Variants in MRPS18B observed in about 807,000 individuals in gnomAD.
MRPS18B encodes the protein small ribosomal subunit protein mS40.
A neutral mutation model predicts 28.4 loss-of-function variants in MRPS18B; 27 were observed. The observed-to-expected ratio is 0.95, with a 90% CI of 0.70 to 1.31. The LOEUF (loss-of-function observed/expected upper bound fraction) is 1.31, where lower values mean the gene tolerates loss of function less well. Among genes scored for constraint, MRPS18B ranks in the 40% most tolerant of loss-of-function variants. The pLI is 0.00. For synonymous variants in MRPS18B, 118 were observed against 123.7 expected, an observed-to-expected ratio of 0.95 and a Z score of 0.30; for missense variants, 343 against 335.9, an observed-to-expected ratio of 1.02 and a Z score of -0.17.
Position 30,625,106 on chromosome 6 carries a change from T to A in MRPS18B, c.481+164T>A, listed in dbSNP as rs191114971. Among the ~76,000 whole-genome samples, 186 of 152,336 alleles carry A rather than the reference T, an allele frequency of 1.2e-3. 4 individuals are homozygous for A. Among genetic ancestry groups the A allele is most frequent in the African/African-American group, 4.0e-3 (167 of 41,572 alleles). On this transcript the variant is annotated intron_variant, in intron 6 of 6. Transcript: ENST00000259873. Reference sequence around the variant, plus strand: ...TGTCCTTTCTCCTGAGTGTCTTACTTTATCATTGTCCTGTCTCCTTGTTCT... The same window carrying A: ...TGTCCTTTCTCCTGAGTGTCTTACTATATCATTGTCCTGTCTCCTTGTTCT...
rs752660874 is a variant in MRPS18B at position 30,625,680 on chromosome 6, C to T, written c.660C>T (p.Tyr220=). ...AACTGTCTCGCCTTCGCCGGCTTTA[C>T]CAGGGTCATCTCCAAGAAGAGAGTG... ...ERELSRLRRL[Y]QGHLQEESGP... is the part of the protein sequence containing the mutation. Residue 220 remains tyrosine, a synonymous_variant, in exon 7 of 7, where the codon TAC becomes TAT. Transcript: ENST00000259873. The T allele has an allele frequency of 6.2e-7, 1 of 1,613,048 alleles. No individual in the cohort carries two copies. The highest frequency in any genetic ancestry group is 8.5e-7 in the Non-Finnish European group (1 of 1,180,016).
intron 6 of MRPS18B, 100 bp downstream of exon 6, chr6:30,625,042 T>G (rs1342865450): frequency 7.5e-5 from 96 of 1,286,242 alleles, no homozygotes; most frequent in Non-Finnish European, 1.0e-4. Context: ...TTCAAGATGG[T>G]AGCACCCAGC....
rs573670704 is a variant in MRPS18B, at chr6:30,625,358, C to T, written c.482-144C>T. The stretch of plus-strand genomic sequence containing the variant: ...TGTCAGCCCACACTTGCCCTCTGGG[C>T]CGGTCACCTGTTTGCAGTATACAAC... On this transcript the variant is annotated intron_variant, in intron 6 of 6. Coordinates refer to ENST00000259873, the MANE Select transcript of MRPS18B (RefSeq NM_014046.4). 3 of 843,864 alleles carry T rather than the reference C, an allele frequency of 3.6e-6. No individual in the cohort carries two copies. In the South Asian group the frequency reaches 5.4e-5, roughly 15 times the overall value. The allele number at this position is 843,864 out of a possible 1,614,324, so 52.3% of individuals were successfully genotyped here.
At chr6:30,620,021 A>G in intron 4 of MRPS18B, 32 bp downstream of exon 4, 1 of 1,606,684 alleles carries the variant, frequency 6.2e-7, no homozygotes, top group Non-Finnish European at 8.5e-7. Flanking sequence ...TAGGGTAAGA[A>G]AAATAAAGAT....
At chr6:30,623,585 C>T (rs1346514473) in intron 5 of MRPS18B, among the ~76,000 whole-genome samples, 1 of 152,140 alleles carries the variant, frequency 6.6e-6, no homozygotes, top group Non-Finnish European at 1.5e-5. Context: ...CAGGGCAAAT[C>T]TGGCCCACTG....
At chr6:30,622,782 T>C (rs1184835650) in intron 4 of MRPS18B, 50 bp from the exon 5 acceptor site, 11 of 1,564,536 alleles carry the variant, frequency 7.0e-6, no homozygotes, top group Non-Finnish European at 9.7e-6. Flanking sequence ...AAGATCCTGC[T>C]GCTCTCCCTG....
chr6:30,622,822 TC>T lies in MRPS18B; in HGVS notation c.355-5del. ...TTTTCCTCACGTTTCTCTACCACTT[TC>T]CCCCACAGAACGTGAAGCTCTTGGA... On this transcript the variant is annotated splice_polypyrimidine_tract_variant and intron_variant, in intron 4 of 6. Coordinates refer to ENST00000259873, the MANE Select transcript of MRPS18B (RefSeq NM_014046.4). The T allele has an allele frequency of 6.2e-7, 1 of 1,612,726 alleles. No individual in the cohort carries two copies. The highest frequency in any genetic ancestry group is 8.5e-7 in the Non-Finnish European group (1 of 1,179,860).
At position 30,625,942 on chromosome 6, in the gene MRPS18B, AAAT is replaced by A; in HGVS notation, c.*147_*149del. 6 of 842,190 alleles carry A rather than the reference AAAT, an allele frequency of 7.1e-6. No individual in the cohort carries two copies. The highest frequency in any genetic ancestry group is 1.1e-5 in the Non-Finnish European group (6 of 552,414). The allele number at this position is 842,190 out of a possible 1,614,324, so 52.2% of individuals were successfully genotyped here. On this transcript the variant is annotated 3_prime_UTR_variant, in exon 7 of 7. Transcript: ENST00000259873. ...ATGGTGAAACCTCGTCTTTACCAAA[AAAT>A]ACAAAAATTAGCTGGGTGTGGTGGT...
At chr6:30,624,786 C>T in intron 5 of MRPS18B, 97 bp from the exon 6 acceptor site, 5 of 1,385,874 alleles carry the variant, frequency 3.6e-6, no homozygotes, top group Non-Finnish European at 5.0e-6. Context: ...TTAGGTAAAG[C>T]CAATCCTTCC....
chr6:30,622,738 T>C (rs1392797448), intron 4 of MRPS18B, 94 bp from the exon 5 acceptor site: 2 of 1,178,912 alleles, frequency 1.7e-6, no homozygotes, highest in Non-Finnish European at 2.5e-6. Flanking sequence ...GTGGTCCATG[T>C]GGGTGTGTAG....
intron 4 of MRPS18B, among the ~76,000 whole-genome samples, chr6:30,622,513 G>C (rs1426773314): frequency 7.5e-6 from 1 of 134,202 alleles, no homozygotes; most frequent in East Asian, 2.3e-4. Flanking sequence ...GGTGAGCTGA[G>C]ATCGCGCCAC....
chr6:30,625,820 GC>G lies in MRPS18B; in HGVS notation c.*25del. ...TAGGAGCTGTAGACTGGGAAGAGAG[GC>G]CAGGCGTGGTGGCTCACTCCTGTAA... On this transcript the variant is annotated 3_prime_UTR_variant, in exon 7 of 7. Coordinates refer to ENST00000259873, the MANE Select transcript of MRPS18B (RefSeq NM_014046.4). 1 of 1,585,658 alleles carries G rather than the reference GC, an allele frequency of 6.3e-7. No individual in the cohort carries two copies. Among genetic ancestry groups the G allele is most frequent in the Non-Finnish European group, 8.6e-7 (1 of 1,160,244 alleles).
Position 30,619,904 on chromosome 6 carries a change from T to A in MRPS18B, c.286-17T>A. On this transcript the variant is annotated splice_polypyrimidine_tract_variant and intron_variant, in intron 3 of 6. Coordinates refer to ENST00000259873, the MANE Select transcript of MRPS18B (RefSeq NM_014046.4). ...GTGTTTGAACATCCTTAACTGCTGT[T>A]TTTTTTCTCTCTACAGCGTCGGAAT... 5 of 1,614,092 alleles carry A rather than the reference T, an allele frequency of 3.1e-6. No individual in the cohort carries two copies. Among genetic ancestry groups the A allele is most frequent in the Non-Finnish European group, 4.2e-6 (5 of 1,179,930 alleles).
chr6:30,619,398 G>A (rs964373526), intron 1 of MRPS18B, 95 bp from the exon 2 acceptor site: 6 of 936,964 alleles, frequency 6.4e-6, no homozygotes, highest in Non-Finnish European at 8.4e-6. Flanking sequence ...CATTAATGCA[G>A]TATGTGTGCA....
Position 30,617,936 on chromosome 6 carries a change from G to A in MRPS18B, c.71G>A (p.Arg24Lys). The A allele has an allele frequency of 6.2e-7, 1 of 1,614,208 alleles. No individual in the cohort carries two copies. Among genetic ancestry groups the A allele is most frequent in the South Asian group, 1.1e-5 (1 of 91,088 alleles). ...PMLSLFRGSH[R>K]VQVPLQTLCT... ...CTATCTCTCTTCCGAGGTTCTCACA[G>A]AGTTCAGGTAACTCTTCGAAAGACA... Residue 24 changes from arginine to lysine, a missense_variant, in exon 1 of 7, where the codon AGA becomes AAA. Arg to Lys is a conservative substitution (Grantham distance 26, BLOSUM62 2). Transcript: ENST00000259873.
rs755039244 is a variant in MRPS18B, at chr6:30,625,719, G to GCA, written c.699_700insCA (p.Ser234HisfsTer43). ...AAGAAGAGAGTGGCCCCCCACCTGA[G>GCA]TCAATGCCCAAGATGCCCCCTAGAA... On this transcript the variant is annotated frameshift_variant, in exon 7 of 7. Transcript: ENST00000259873. LOFTEE classifies it low-confidence loss of function (END_TRUNC). 4.3e-6 allele frequency: 7 copies of GCA among 1,612,962 alleles called. No homozygotes were observed. The Admixed American group carries it at 1.2e-4, about 27-fold the overall frequency.
intron 4 of MRPS18B, 25 bp downstream of exon 4, chr6:30,620,014 G>A: frequency 1.9e-6 from 3 of 1,608,832 alleles, no homozygotes; most frequent in African/African-American, 1.3e-5. Flanking sequence ...TTCTTTTTAG[G>A]GTAAGAAAAA....
intron 1 of MRPS18B, chr6:30,618,645 G>C (rs1446501809): frequency 1.3e-5 from 2 of 152,270 alleles, no homozygotes; most frequent in Non-Finnish European, 2.9e-5. Flanking sequence ...AGTGGTGACA[G>C]AGGTCAACAC....
At position 30,622,781 on chromosome 6, in the gene MRPS18B, C is replaced by T. The variant is rs771965330; in HGVS notation, c.355-51C>T. 5.8e-6 allele frequency: 9 copies of T among 1,559,524 alleles called. No individual in the cohort carries two copies. The Admixed American group carries it at 1.2e-4, about 20-fold the overall frequency. On this transcript the variant is annotated intron_variant, in intron 4 of 6. Transcript: ENST00000259873. ...GTACTTTCGATGTCCAAAGATCCTG[C>T]TGCTCTCCCTGCCTCTTTTCCTCAC...
Sources: gnomAD v4.1 joint callset for allele counts (sites outside exome capture counted in the v4.1 genomes callset) on GRCh38, gnomAD v4.1.1 for gene constraint, MANE v1.5 for transcripts, NCBI Gene and HGNC (gene_info 2026-07-23, HGNC 2026-07-21) for gene names.